The following PCDH15 variants were observed in gnomAD, a reference collection of about 807,000 sequenced individuals.
PCDH15 encodes the protein protocadherin related 15.
Under a neutral mutation model 178.5 loss-of-function variants are expected in PCDH15, and 129 were observed. The ratio of observed to expected loss-of-function variants is 0.72; its 90% confidence interval spans 0.63 to 0.84. The LOEUF is 0.84. Among genes scored for constraint, PCDH15 ranks in the 40% least tolerant of loss-of-function variants. PCDH15 has a pLI of 0.00. For missense variants in PCDH15, 2,230 were observed against 2,099.9 expected (o/e 1.06, Z -1.21); for synonymous variants, 800 against 732.0 (o/e 1.09, Z -1.50).
intron 3 of PCDH15, among the ~76,000 whole-genome samples, chr10:54,823,904 A>T (rs1183850775): frequency 2.0e-5 from 3 of 152,176 alleles, no homozygotes; most frequent in Non-Finnish European, 2.9e-5. Context: ...AGTATATGCA[A>T]TTTTTCTTTC....
intron 21 of PCDH15, among the ~76,000 whole-genome samples, chr10:53,982,814 G>A (rs1011873445): frequency 2.0e-5 from 3 of 150,616 alleles, no homozygotes; most frequent in African/African-American, 7.3e-5. Context: ...AAAACTTAAA[G>A]TATAATAATA....
chr10:54,260,151 G>C (rs773698023), intron 8 of PCDH15, among the ~76,000 whole-genome samples: 5 of 151,894 alleles, frequency 3.3e-5, no homozygotes, highest in Non-Finnish European at 5.9e-5. Flanking sequence ...AATAGTTTAA[G>C]GTACAAAAGA....
At position 54,292,614 on chromosome 10, in the gene PCDH15, T is replaced by A. The variant is rs146530259; in HGVS notation, c.876+24657A>T. ...AAAATTCCTTAATCTGATAGGCAAA[T>A]TCAGCAAAGTCTCAGATACAAAATC... On this transcript the variant is annotated intron_variant, in intron 8 of 37. Coordinates refer to ENST00000644397, the MANE Select transcript of PCDH15 (RefSeq NM_001384140.1). 4.6e-4 allele frequency among the ~76,000 whole-genome samples: 70 copies of A among 152,280 alleles called. 3 individuals carry two copies. In the East Asian group the frequency reaches 0.013, roughly 29 times the overall value.
intron 3 of PCDH15, among the ~76,000 whole-genome samples, chr10:54,814,598 C>T (rs2133733241): frequency 6.6e-6 from 1 of 152,206 alleles, no homozygotes; most frequent in Admixed American, 6.5e-5. Flanking sequence ...AGGGTCTTTT[C>T]TGATCTGGTC....
rs75671932 is a variant in PCDH15 at position 55,122,749 on chromosome 10, C to T, written c.-80+43827G>A. ...AACAATAAAAATATTGGTAGCTGAA[C>T]AAATCTTATAAAATGTAAATCTAAA... On this transcript the variant is annotated intron_variant, in intron 2 of 5. Transcript: ENST00000458638. 5.1e-4 allele frequency among the ~76,000 whole-genome samples: 78 copies of T among 152,102 alleles called. 2 individuals carry two copies. In the East Asian group the frequency reaches 0.014, roughly 28 times the overall value.
intron 21 of PCDH15, among the ~76,000 whole-genome samples, chr10:53,969,804 A>G (rs1022689278): frequency 2.0e-5 from 3 of 152,186 alleles, no homozygotes; most frequent in Admixed American, 1.3e-4. Context: ...AGACAAACAA[A>G]TGCTGAGATA....
At chr10:54,984,953 T>A (rs1233079534) in intron 2 of PCDH15, among the ~76,000 whole-genome samples, 1 of 152,170 alleles carries the variant, frequency 6.6e-6, no homozygotes, top group Non-Finnish European at 1.5e-5. Context: ...TGTAAGAGTT[T>A]TTTCTTGTTA....
intron 2 of PCDH15, among the ~76,000 whole-genome samples, chr10:54,610,689 C>A (rs1355822870): frequency 6.6e-6 from 1 of 151,610 alleles, no homozygotes; most frequent in East Asian, 1.9e-4. Context: ...TGTGCTAGTT[C>A]TTTTGGGTTT....
intron 1 of PCDH15, among the ~76,000 whole-genome samples, chr10:55,235,416 T>C (rs1307960010): frequency 6.6e-6 from 1 of 152,126 alleles, no homozygotes; most frequent in Non-Finnish European, 1.5e-5. Context: ...AAACCACTGA[T>C]TTACACCTTA....
chr10:54,332,760 C>CT (rs1487818771), intron 6 of PCDH15, among the ~76,000 whole-genome samples: 1 of 151,834 alleles, frequency 6.6e-6, no homozygotes, highest in African/African-American at 2.4e-5. Flanking sequence ...CTTTGCAATA[C>CT]TTTTTTTGTT....
chr10:54,463,517 T>C (rs1020664071), intron 3 of PCDH15, among the ~76,000 whole-genome samples: 1 of 152,126 alleles, frequency 6.6e-6, no homozygotes, highest in Non-Finnish European at 1.5e-5. Flanking sequence ...CCTAAATGTA[T>C]TAACAACACT....
chr10:55,080,553 C>A (rs1021178085), intron 2 of PCDH15, among the ~76,000 whole-genome samples: 1 of 152,040 alleles, frequency 6.6e-6, no homozygotes, highest in African/African-American at 2.4e-5. Flanking sequence ...ATCTGGGAGT[C>A]CTGGGTAGTA....
chr10:55,182,700 C>T (rs992150858), intron 1 of PCDH15, among the ~76,000 whole-genome samples: 8 of 151,778 alleles, frequency 5.3e-5, no homozygotes, highest in African/African-American at 1.9e-4. Flanking sequence ...AGCATGATTA[C>T]CGTTTTAATG....
rs1392344684 is a variant in PCDH15, at chr10:54,837,214, G to A, written c.-29+60236C>T. On this transcript the variant is annotated intron_variant, in intron 3 of 5. Transcript: ENST00000458638. ...CTAAAAGTTAGTAGACAATGTCTACGAATTTGTAGAGGAATGAAATAATAC... is the reference window on the plus strand; with the variant it reads ...CTAAAAGTTAGTAGACAATGTCTACAAATTTGTAGAGGAATGAAATAATAC... Among the ~76,000 whole-genome samples, 5 of 151,986 alleles carry A rather than the reference G, an allele frequency of 3.3e-5. No individual in the cohort carries two copies. The South Asian group carries it at 6.2e-4, about 19-fold the overall frequency.
chr10:53,864,351 A>T (rs1272710441), intron 27 of PCDH15, among the ~76,000 whole-genome samples: 1 of 152,140 alleles, frequency 6.6e-6, no homozygotes, highest in African/African-American at 2.4e-5. Context: ...CAAACAAACA[A>T]AAATACCATC....
chr10:54,474,957 C>A (rs562477009), intron 3 of PCDH15, among the ~76,000 whole-genome samples: 1 of 151,822 alleles, frequency 6.6e-6, no homozygotes, highest in Non-Finnish European at 1.5e-5. Flanking sequence ...TACGTCCAAC[C>A]TCTTTTACAT....
chr10:54,350,546 G>A (rs951498150), intron 5 of PCDH15, among the ~76,000 whole-genome samples: 1 of 152,226 alleles, frequency 6.6e-6, no homozygotes, highest in African/African-American at 2.4e-5. Flanking sequence ...GCTAATATGA[G>A]AGAAATAGCC....
chr10:54,676,894 G>A (rs889869122), intron 1 of PCDH15, among the ~76,000 whole-genome samples: 1 of 152,196 alleles, frequency 6.6e-6, no homozygotes, highest in African/African-American at 2.4e-5. Context: ...TGGATGAAAG[G>A]AAGTAGAAAT....
chr10:54,719,810 G>A (rs11004484), intron 1 of PCDH15, among the ~76,000 whole-genome samples: 18,522 of 151,968 alleles, frequency 0.12, 1,264 homozygotes, highest in African/African-American at 0.17. Flanking sequence ...AGTTTGCTGA[G>A]GATGATGGCT....
Sources: allele counts gnomAD v4.1 joint callset (sites outside exome capture counted in the v4.1 genomes callset), GRCh38; gene constraint gnomAD v4.1.1; transcripts MANE v1.5; gene names NCBI Gene and HGNC (gene_info 2026-07-23, HGNC 2026-07-21).